The following PIWIL2 variants were observed in gnomAD, a reference collection of about 807,000 sequenced individuals.
PIWIL2 encodes the protein piwi like RNA-mediated gene silencing 2.
A neutral mutation model predicts 116.5 loss-of-function variants in PIWIL2; 81 were observed. The observed-to-expected ratio is 0.70, with a 90% confidence interval of 0.58 to 0.84. The LOEUF (loss-of-function observed/expected upper bound fraction) is 0.84, where lower values mean the gene tolerates loss of function less well. Among genes scored for constraint, PIWIL2 ranks in the 40% least tolerant of loss-of-function variants. PIWIL2 has a pLI of 0.00. For missense variants in PIWIL2, 1,272 were observed against 1,212.3 expected (o/e 1.05, Z -0.73); for synonymous variants, 489 against 429.5 (o/e 1.14, Z -1.71).
chr8:22,305,071 G>A (rs188974348), intron 12 of PIWIL2, among the ~76,000 whole-genome samples: 8 of 152,104 alleles, frequency 5.3e-5, no homozygotes, highest in African/African-American at 7.2e-5. Context: ...CCCACGAGGC[G>A]GAACTAAATA....
At chr8:22,307,272 T>G (rs575127710) in intron 13 of PIWIL2, among the ~76,000 whole-genome samples, 2 of 152,052 alleles carry the variant, frequency 1.3e-5, no homozygotes, top group Admixed American at 1.3e-4. Context: ...TCTGCCTGTC[T>G]TGGCCTCCCA....
intron 20 of PIWIL2, among the ~76,000 whole-genome samples, chr8:22,345,360 A>C (rs1832202416): frequency 6.6e-6 from 1 of 152,204 alleles, no homozygotes. Context: ...AATGGCCAGA[A>C]ATTGAAATAA....
intron 8 of PIWIL2, 42 bp downstream of exon 8, chr8:22,288,708 C>T (rs1197641496): frequency 1.9e-6 from 3 of 1,550,838 alleles, no homozygotes; most frequent in Non-Finnish European, 2.6e-6. Context: ...TAACTTCAGT[C>T]TTGTATTTAC....
rs978313626 is a variant in PIWIL2, at chr8:22,331,854, C to T, written c.2403+13579C>T. Among the ~76,000 whole-genome samples the T allele has an allele frequency of 4.6e-5, 7 of 151,898 alleles. No individual in the cohort carries two copies. The South Asian group carries it at 1.5e-3, about 32-fold the overall frequency. ...GGCCCACCCCCATGACCTCATTTAA[C>T]CTTAAGTACCTCTTTTAAGATCTTA... On this transcript the variant is annotated intron_variant, in intron 20 of 22. Coordinates refer to ENST00000356766, the MANE Select transcript of PIWIL2 (RefSeq NM_018068.5).
intron 20 of PIWIL2, among the ~76,000 whole-genome samples, chr8:22,335,423 GTGA>G (rs1831957692): frequency 1.6e-3 from 1 of 618 alleles, no homozygotes; most frequent in Non-Finnish European, 0.01. Flanking sequence ...GTGCAGTGGT[GTGA>G]TCATACATAG....
chr8:22,281,151 G>T lies in PIWIL2; in HGVS notation c.230G>T (p.Gly77Val). 1 of 1,613,020 alleles carries T rather than the reference G, an allele frequency of 6.2e-7. No individual in the cohort carries two copies. Among genetic ancestry groups the T allele is most frequent in the Non-Finnish European group, 8.5e-7 (1 of 1,179,562 alleles). Residue 77 changes from glycine (G) to valine (V), a missense_variant, in exon 3 of 23, where the codon GGC (glycine) becomes GTC (valine). By Grantham distance (109) the Gly-to-Val change is moderately radical. Coordinates refer to ENST00000356766, the MANE Select transcript of PIWIL2 (RefSeq NM_018068.5). ...GTGGGTTTGGTCTCCATGTTCCGAG[G>T]CCTGGGCATTGAAACAGTTTCTAAG... ...ESVGLVSMFR[G>V]LGIETVSKTP...
At chr8:22,349,419 G>GTATATATATATATATATATATA (rs71206515) in intron 20 of PIWIL2, among the ~76,000 whole-genome samples, 1 of 134,442 alleles carries the variant, frequency 7.4e-6, no homozygotes, top group Non-Finnish European at 1.6e-5. Context: ...ATGTGTGTGT[G>GTATATATATATATATATATATA]TATATATATA....
chr8:22,301,811 C>T lies in PIWIL2; in HGVS notation c.1182-2210C>T, dbSNP rs961598976. Among the ~76,000 whole-genome samples the T allele has an allele frequency of 9.2e-5, 14 of 151,860 alleles. 1 individual carries two copies. The highest frequency in any genetic ancestry group is 3.4e-4 in the African/African-American group (14 of 41,350). ...AACTTTTACAGGTGATGTCAGGTAA[C>T]GGTCTGAGTTCCTTTTGTTACATGT... On this transcript the variant is annotated intron_variant, in intron 10 of 22. Transcript: ENST00000356766.
intron 20 of PIWIL2, among the ~76,000 whole-genome samples, chr8:22,326,768 A>G (rs1248160471): frequency 6.6e-6 from 1 of 152,070 alleles, no homozygotes; most frequent in Admixed American, 6.6e-5. Flanking sequence ...CTGTTCTCAC[A>G]TTTTGACTAT....
At chr8:22,333,075 T>G (rs1831898345) in intron 20 of PIWIL2, among the ~76,000 whole-genome samples, 1 of 152,104 alleles carries the variant, frequency 6.6e-6, no homozygotes, top group African/African-American at 2.4e-5. Context: ...CTTTGAATTG[T>G]TGAGGAAAAG....
At chr8:22,341,626 G>T (rs777233826) in intron 20 of PIWIL2, among the ~76,000 whole-genome samples, 2 of 149,800 alleles carry the variant, frequency 1.3e-5, no homozygotes, top group African/African-American at 4.9e-5. Context: ...TTCCCAGCAC[G>T]TTAGGAATAG....
intron 20 of PIWIL2, among the ~76,000 whole-genome samples, chr8:22,325,739 C>T (rs1308076301): frequency 6.6e-6 from 1 of 152,126 alleles, no homozygotes; most frequent in Non-Finnish European, 1.5e-5. Context: ...CTGCCTCAGC[C>T]TCCCAAAGTG....
intron 10 of PIWIL2, among the ~76,000 whole-genome samples, chr8:22,300,162 C>T (rs542490031): frequency 1.3e-5 from 2 of 152,054 alleles, no homozygotes; most frequent in South Asian, 2.1e-4. Flanking sequence ...AACTCCTGGG[C>T]CCAAGCAGTT....
At chr8:22,294,356 AAAG>A (rs1227740673) in intron 10 of PIWIL2, among the ~76,000 whole-genome samples, 1 of 142,140 alleles carries the variant, frequency 7.0e-6, no homozygotes, top group East Asian at 2.1e-4. Flanking sequence ...AAAAAAAAAA[AAAG>A]GTCCGAGCGT....
At chr8:22,306,149 T>C in intron 13 of PIWIL2, 133 bp downstream of exon 13, 1 of 642,074 alleles carries the variant, frequency 1.6e-6, no homozygotes, top group Non-Finnish European at 2.8e-6. Context: ...TGTCCATTCT[T>C]CCAGCCTCCA....
intron 20 of PIWIL2, among the ~76,000 whole-genome samples, chr8:22,335,358 G>A (rs983405960): frequency 6.6e-6 from 1 of 152,064 alleles, no homozygotes; most frequent in Non-Finnish European, 1.5e-5. Context: ...TGGTGGTCAT[G>A]TCTGTAGTCC....
At chr8:22,307,472 CATTT>C (rs1290630880) in intron 13 of PIWIL2, among the ~76,000 whole-genome samples, 32 of 73,014 alleles carry the variant, frequency 4.4e-4, no homozygotes, top group African/African-American at 1.4e-3. Context: ...TTTTATTATT[CATTT>C]TTTTTTTTTT....
Position 22,317,950 on chromosome 8 carries a change from C to T in PIWIL2, c.2298-220C>T, listed in dbSNP as rs10099709. On this transcript the variant is annotated intron_variant, in intron 19 of 22. Transcript: ENST00000356766. ...TGCTGAGATTACAGGCATGAGCCACCGCGCTCTGCCACAATTACACGTTTT... is the reference window on the plus strand; with the variant it reads ...TGCTGAGATTACAGGCATGAGCCACTGCGCTCTGCCACAATTACACGTTTT... 5.3e-3 allele frequency among the ~76,000 whole-genome samples: 804 copies of T among 152,248 alleles called. 9 individuals carry two copies. The highest frequency in any genetic ancestry group is 0.016 in the African/African-American group (653 of 41,542).
chr8:22,296,235 CAG>C (rs1830903710), intron 10 of PIWIL2, among the ~76,000 whole-genome samples: 3 of 151,846 alleles, frequency 2.0e-5, no homozygotes, highest in Middle Eastern at 3.4e-3. Context: ...TTTGTAGAGA[CAG>C]GGTCTCACCA....
Sources: allele counts gnomAD v4.1 joint callset (sites outside exome capture counted in the v4.1 genomes callset), GRCh38; gene constraint gnomAD v4.1.1; transcripts MANE v1.5; gene names NCBI Gene and HGNC (gene_info 2026-07-23, HGNC 2026-07-21).